Variants in SPSB1 observed in about 807,000 individuals in gnomAD.
The protein encoded by SPSB1 is splA/ryanodine receptor domain and SOCS box containing 1, also known as SPRY domain-containing SOCS box protein 1.
SPSB1 carries 8 observed loss-of-function variants against 21.2 expected under a neutral mutation model. That is an observed-to-expected ratio of 0.38 (90% CI 0.22 to 0.68). The LOEUF is 0.68. Ranked by LOEUF, SPSB1 falls within the 30% of genes least tolerant of loss-of-function variation. The pLI, the probability that SPSB1 is intolerant of heterozygous loss-of-function variation, is 0.53. For synonymous variants in SPSB1, 169 were observed against 161.7 expected (o/e 1.05, Z -0.34); for missense variants, 242 against 377.8 (o/e 0.64, Z 2.98).
chr1:9,314,042 G>T (rs528395219), intron 1 of SPSB1, among the ~76,000 whole-genome samples: 1 of 152,112 alleles, frequency 6.6e-6, no homozygotes, highest in Non-Finnish European at 1.5e-5. Context: ...CAGGTGTGGC[G>T]GCGGGCACTT....
In SPSB1 at chr1:9,346,105, G is replaced by T. The variant is rs1233392912; in HGVS notation, c.-149-9638G>T. Among the ~76,000 whole-genome samples, 1 of 152,244 alleles carries T rather than the reference G, an allele frequency of 6.6e-6. No homozygotes were observed. Among genetic ancestry groups the T allele is most frequent in the Non-Finnish European group, 1.5e-5 (1 of 68,054 alleles). ...GCCCAGGCAGCGGCTGAGCCAGGCT[G>T]CAGAGATTGATTCTGATAAAATAGC... is the stretch of plus-strand genomic sequence containing the variant. On this transcript the variant is annotated intron_variant, in intron 1 of 2. Coordinates refer to ENST00000328089, the MANE Select transcript of SPSB1 (RefSeq NM_025106.4). This position sits in a 1 kb window ranked among gnomAD's most constrained non-coding sequence, Gnocchi z 4.4.
chr1:9,307,126 C>G (rs1459454156), intron 1 of SPSB1, among the ~76,000 whole-genome samples: 1 of 151,944 alleles, frequency 6.6e-6, no homozygotes, highest in Non-Finnish European at 1.5e-5. Flanking sequence ...TGGGGTTTCA[C>G]CATGTTGGCC....
At chr1:9,312,416 A>AC (rs1639535156) in intron 1 of SPSB1, among the ~76,000 whole-genome samples, 1 of 152,196 alleles carries the variant, frequency 6.6e-6, no homozygotes, top group South Asian at 2.1e-4. Flanking sequence ...CTTTCGTAAC[A>AC]GCCCTGTGGA....
At position 9,321,497 on chromosome 1, in the gene SPSB1, C is replaced by A. The variant is rs910740823; in HGVS notation, c.-150+28426C>A. 1.7e-4 allele frequency among the ~76,000 whole-genome samples: 26 copies of A among 152,146 alleles called. No individual in the cohort carries two copies. The highest frequency in any genetic ancestry group is 3.2e-4 in the Non-Finnish European group (22 of 68,022). On this transcript the variant is annotated intron_variant, in intron 1 of 2. Coordinates refer to ENST00000328089, the MANE Select transcript of SPSB1 (RefSeq NM_025106.4). The surrounding 1 kb of genome is among the most constrained non-coding windows in gnomAD (Gnocchi z 4.8). ...GTCTCAGCAGTTCTGTTCTCCAGAC[C>A]TTTACCGAACACTTACTGCGTGCCA...
intron 1 of SPSB1, among the ~76,000 whole-genome samples, chr1:9,313,249 A>C (rs1339078240): frequency 6.6e-6 from 1 of 151,908 alleles, no homozygotes; most frequent in Non-Finnish European, 1.5e-5. Flanking sequence ...AAATACAAAA[A>C]AGTAGCCAGA....
intron 1 of SPSB1, among the ~76,000 whole-genome samples, chr1:9,309,329 T>A (rs1470153058): frequency 7.3e-6 from 1 of 136,974 alleles, no homozygotes; most frequent in African/African-American, 2.9e-5. Context: ...TGTGTGTGTG[T>A]GTGTGAGTGA....
Position 9,356,574 on chromosome 1 carries a change from A to G in SPSB1, c.683A>G (p.Asn228Ser). 6.3e-7 allele frequency: 1 copy of G among 1,591,146 alleles called. No individual in the cohort carries two copies. Residue 228 changes from asparagine to serine, a missense_variant, in exon 2 of 3, where the codon AAC becomes AGC. Transcript: ENST00000328089. This position sits in a 1 kb window ranked among gnomAD's most constrained non-coding sequence, Gnocchi z 7.4. ...GHCEIRMRYLNGLDPEPLPLM... is the reference protein window; with the variant it reads ...GHCEIRMRYLSGLDPEPLPLM... ...TGTGAGATCCGAATGCGCTACTTGA[A>G]CGGACTCGATCGTAAGTGTCTCCTC...
intron 2 of SPSB1, among the ~76,000 whole-genome samples, chr1:9,357,871 A>G (rs1033425206): frequency 6.6e-6 from 1 of 152,122 alleles, no homozygotes. Context: ...CCTTGCCTGC[A>G]TGAGTCCCTT....
At chr1:9,364,108 A>C (rs1340045938) in intron 2 of SPSB1, among the ~76,000 whole-genome samples, 1 of 152,216 alleles carries the variant, frequency 6.6e-6, no homozygotes, top group Non-Finnish European at 1.5e-5. Flanking sequence ...CTTGGGCCAC[A>C]TTCAGTGGCT....
intron 1 of SPSB1, among the ~76,000 whole-genome samples, chr1:9,344,269 C>T (rs1212176845): frequency 6.6e-6 from 1 of 152,158 alleles, no homozygotes; most frequent in East Asian, 1.9e-4. Context: ...GTTTCTGATT[C>T]AGAAAGTCTA....
At chr1:9,353,491 C>T (rs1258731192) in intron 1 of SPSB1, among the ~76,000 whole-genome samples, 1 of 152,158 alleles carries the variant, frequency 6.6e-6, no homozygotes, top group Non-Finnish European at 1.5e-5. Context: ...TCACAGTATT[C>T]ACAGAACTCT....
chr1:9,357,333 G>A (rs1026932392), intron 2 of SPSB1, among the ~76,000 whole-genome samples: 24 of 152,172 alleles, frequency 1.6e-4, no homozygotes, highest in African/African-American at 5.3e-4. Flanking sequence ...GGATGGATAA[G>A]CAGATAGACT....
At chr1:9,295,468 TG>T (rs1310242260) in intron 1 of SPSB1, among the ~76,000 whole-genome samples, 1 of 152,018 alleles carries the variant, frequency 6.6e-6, no homozygotes, top group Non-Finnish European at 1.5e-5. Flanking sequence ...TAGGAAGGGG[TG>T]GGCCTGCCTG....
At chr1:9,365,518 A>C (rs1210461569) in intron 2 of SPSB1, among the ~76,000 whole-genome samples, 1 of 152,092 alleles carries the variant, frequency 6.6e-6, no homozygotes, top group South Asian at 2.1e-4. Flanking sequence ...TAATTCACAT[A>C]CCTTACAATT....
intron 1 of SPSB1, among the ~76,000 whole-genome samples, chr1:9,354,838 A>G (rs1640335940): frequency 6.6e-6 from 1 of 151,810 alleles, no homozygotes; most frequent in Non-Finnish European, 1.5e-5. Flanking sequence ...ACCAGTGGAG[A>G]GGGATCGGGT....
intron 2 of SPSB1, among the ~76,000 whole-genome samples, chr1:9,361,165 T>TTTTCTTTTTTTTC (rs1557467316): frequency 2.1e-5 from 3 of 140,210 alleles, no homozygotes; most frequent in African/African-American, 5.4e-5. Context: ...TCTTTTTTTT[T>TTTTCTTTTTTTTC]TTTTTTTTTT....
intron 1 of SPSB1, among the ~76,000 whole-genome samples, chr1:9,347,552 T>C (rs528461729): frequency 2.0e-5 from 3 of 152,368 alleles, no homozygotes; most frequent in African/African-American, 7.2e-5. Flanking sequence ...AGAGAATCTT[T>C]TTAAATTCTG....
chr1:9,325,230 C>CCG (rs1639798071), intron 1 of SPSB1, among the ~76,000 whole-genome samples: 1 of 142,512 alleles, frequency 7.0e-6, no homozygotes, highest in African/African-American at 2.8e-5. Flanking sequence ...CCACCACCCC[C>CCG]CCCCCCCGCC....
At chr1:9,332,407 G>A (rs1639935761) in intron 1 of SPSB1, among the ~76,000 whole-genome samples, 1 of 152,184 alleles carries the variant, frequency 6.6e-6, no homozygotes, top group Non-Finnish European at 1.5e-5. Context: ...TGAGGGGTTT[G>A]AATCTGGGTG....
Sources: gnomAD v4.1 joint callset for allele counts (sites outside exome capture counted in the v4.1 genomes callset) on GRCh38, gnomAD v4.1.1 for gene constraint, Gnocchi (gnomAD v3.1) non-coding constraint, MANE v1.5 for transcripts, NCBI Gene and HGNC (gene_info 2026-07-23, HGNC 2026-07-21) for gene names.